The following CLYBL variants were observed in gnomAD, a reference collection of about 807,000 sequenced individuals.
CLYBL encodes citramalyl-CoA lyase, also known as citramalyl-CoA lyase, mitochondrial.
Under a neutral mutation model 38.9 loss-of-function variants are expected in CLYBL, and 31 were observed. The observed-to-expected ratio is 0.80, with a 90% CI of 0.60 to 1.08. CLYBL has a LOEUF of 1.08. Among genes scored for constraint, CLYBL ranks in the 50% least tolerant of loss-of-function variants. The probability of loss-of-function intolerance (pLI) is 0.00; values close to 1 mark genes in which losing one functional copy is unlikely to be tolerated. For missense variants in CLYBL, 434 were observed against 411.6 expected (o/e 1.05, Z -0.47); for synonymous variants, 171 against 158.6 (o/e 1.08, Z -0.59).
chr13:99,690,555 T>C (rs1211221582), intron 1 of CLYBL: 1 of 152,110 alleles, frequency 6.6e-6, no homozygotes, highest in Non-Finnish European at 1.5e-5. Context: ...TCCCTCACCA[T>C]CAGTTGATGG....
At chr13:99,658,167 C>T (rs2047356069) in intron 1 of CLYBL, among the ~76,000 whole-genome samples, 1 of 152,250 alleles carries the variant, frequency 6.6e-6, no homozygotes, top group Admixed American at 6.5e-5. Context: ...GCAGAGCAAC[C>T]GGCCCGGTTT....
intron 1 of CLYBL, among the ~76,000 whole-genome samples, chr13:99,626,195 G>A (rs1265274482): frequency 6.6e-6 from 1 of 152,206 alleles, no homozygotes; most frequent in Non-Finnish European, 1.5e-5. Context: ...TCATTCCCAG[G>A]GAAGCTGCCC....
chr13:99,631,822 C>T (rs1380124725), intron 1 of CLYBL, among the ~76,000 whole-genome samples: 2 of 152,104 alleles, frequency 1.3e-5, no homozygotes, highest in Non-Finnish European at 2.9e-5. Flanking sequence ...AGGATGATCT[C>T]GATCTCTTGA....
rs190295241 is a variant in CLYBL, at chr13:99,773,505, G to A, written c.249+495G>A. Among the ~76,000 whole-genome samples, 25 of 152,262 alleles carry A rather than the reference G, an allele frequency of 1.6e-4. No individual in the cohort carries two copies. The East Asian group carries it at 2.3e-3, about 14-fold the overall frequency. The stretch of plus-strand genomic sequence containing the variant: ...CACGACCCTGTTGTGAACTGCGCAC[G>A]TGAAGGATCTAGGTTGCACGCTCCT... On this transcript the variant is annotated intron_variant, in intron 2 of 8. Coordinates refer to ENST00000339105, the MANE Select transcript of CLYBL (RefSeq NM_206808.5).
At chr13:99,853,459 A>G (rs1186808170) in intron 2 of CLYBL, among the ~76,000 whole-genome samples, 1 of 152,238 alleles carries the variant, frequency 6.6e-6, no homozygotes, top group Non-Finnish European at 1.5e-5. Flanking sequence ...AAGATGAATC[A>G]GCACATACAA....
At chr13:99,792,183 A>G (rs2049931567) in intron 2 of CLYBL, among the ~76,000 whole-genome samples, 4 of 152,206 alleles carry the variant, frequency 2.6e-5, no homozygotes, top group Admixed American at 2.0e-4. Context: ...AGTTCTCGGA[A>G]GAAAGGGAAA....
chr13:99,760,784 A>T (rs2049150032), intron 1 of CLYBL, among the ~76,000 whole-genome samples: 1 of 144,960 alleles, frequency 6.9e-6, no homozygotes, highest in African/African-American at 2.5e-5. Context: ...GTGATAATTT[A>T]ATACAGTCAT....
chr13:99,836,036 C>T (rs373709125), intron 2 of CLYBL, among the ~76,000 whole-genome samples: 4 of 152,098 alleles, frequency 2.6e-5, no homozygotes, highest in Admixed American at 6.5e-5. Context: ...CTTGAGAGTT[C>T]GGGATGAGGC....
intron 2 of CLYBL, among the ~76,000 whole-genome samples, chr13:99,818,310 C>T (rs2050500708): frequency 6.6e-6 from 1 of 151,952 alleles, no homozygotes; most frequent in Non-Finnish European, 1.5e-5. Context: ...TAGCTCCTGC[C>T]CACAAAACTT....
At chr13:99,899,550 T>A (rs971806648), downstream of CLYBL, among the ~76,000 whole-genome samples, 1 of 152,192 alleles carries the variant, frequency 6.6e-6, no homozygotes, top group Non-Finnish European at 1.5e-5. Flanking sequence ...GTTTAATGGG[T>A]ACTGAGTTTC....
At chr13:99,682,318 A>G (rs2139401207) in intron 1 of CLYBL, among the ~76,000 whole-genome samples, 1 of 151,930 alleles carries the variant, frequency 6.6e-6, no homozygotes, top group East Asian at 1.9e-4. Flanking sequence ...TAATGTTTGT[A>G]TTTTTAGTAG....
At chr13:99,887,001 G>A (rs1200942755) in intron 7 of CLYBL, among the ~76,000 whole-genome samples, 14 of 152,200 alleles carry the variant, frequency 9.2e-5, no homozygotes, top group Non-Finnish European at 2.9e-5. Flanking sequence ...TCTGCCATTT[G>A]GCATCTTGGG....
At chr13:99,771,360 G>T (rs2049391999) in intron 1 of CLYBL, among the ~76,000 whole-genome samples, 1 of 152,124 alleles carries the variant, frequency 6.6e-6, no homozygotes, top group Non-Finnish European at 1.5e-5. Flanking sequence ...GGCCTAATTG[G>T]CAGTCTTCAT....
chr13:99,860,066 G>T (rs1310343108), intron 3 of CLYBL, among the ~76,000 whole-genome samples: 1 of 152,154 alleles, frequency 6.6e-6, no homozygotes, highest in African/African-American at 2.4e-5. Context: ...GCGTTGCCCA[G>T]TGCCACGGCC....
At chr13:99,812,728 A>G (rs747087505) in intron 2 of CLYBL, among the ~76,000 whole-genome samples, 2 of 152,232 alleles carry the variant, frequency 1.3e-5, no homozygotes, top group Non-Finnish European at 2.9e-5. Flanking sequence ...TGGAGATGGA[A>G]GTAACACCAG....
At chr13:99,764,790 C>T (rs555006748) in intron 1 of CLYBL, among the ~76,000 whole-genome samples, 1 of 152,120 alleles carries the variant, frequency 6.6e-6, no homozygotes, top group Non-Finnish European at 1.5e-5. Context: ...AATCCTCCTC[C>T]TGCCTCAGCC....
At chr13:99,690,408 TC>T (rs1413544694) in intron 1 of CLYBL, 1 of 152,158 alleles carries the variant, frequency 6.6e-6, no homozygotes, top group Non-Finnish European at 1.5e-5. Context: ...CTACTTCTCT[TC>T]CCTGTGCCCC....
Position 99,606,690 on chromosome 13 carries a change from G to C in CLYBL, c.-6G>C. 1 of 1,487,762 alleles carries C rather than the reference G, an allele frequency of 6.7e-7. No individual in the cohort carries two copies. The highest frequency in any genetic ancestry group is 1.3e-5 in the South Asian group (1 of 78,326). The allele number at this position is 1,487,762 out of a possible 1,614,324, so 92.2% of individuals were successfully genotyped here. ...AGGCAAAGGGCGGGGCGCGCGCGTC[G>C]GGAAGATGGCGCTACGTCTGCTGCG... On this transcript the variant is annotated 5_prime_UTR_variant, in exon 1 of 9. Coordinates refer to ENST00000339105, the MANE Select transcript of CLYBL (RefSeq NM_206808.5).
At chr13:99,614,151 G>A in intron 1 of CLYBL, among the ~76,000 whole-genome samples, 1 of 152,138 alleles carries the variant, frequency 6.6e-6, no homozygotes, top group East Asian at 1.9e-4. Flanking sequence ...ACAGAGCCCA[G>A]AAGGAAAGGA....
Sources: allele counts gnomAD v4.1 joint callset (sites outside exome capture counted in the v4.1 genomes callset), GRCh38; gene constraint gnomAD v4.1.1; transcripts MANE v1.5; gene names NCBI Gene and HGNC (gene_info 2026-07-23, HGNC 2026-07-21).